The following SCAPER variants were observed in gnomAD, a reference collection of about 807,000 sequenced individuals.
SCAPER encodes S phase cyclin A-associated protein in the endoplasmic reticulum.
SCAPER carries 98 observed loss-of-function variants against 182.2 expected under a neutral mutation model. That is an observed-to-expected ratio of 0.54 (90% CI 0.46 to 0.64). The LOEUF is 0.64. Among genes scored for constraint, SCAPER ranks in the 30% least tolerant of loss-of-function variants. The pLI is 0.00. For synonymous variants in SCAPER, 605 were observed against 564.6 expected, an observed-to-expected ratio of 1.07 and a Z score of -1.01; for missense variants, 1,432 against 1,690.0, an observed-to-expected ratio of 0.85 and a Z score of 2.68.
chr15:76,687,484 C>T (rs1367672927), intron 20 of SCAPER, among the ~76,000 whole-genome samples: 4 of 152,174 alleles, frequency 2.6e-5, no homozygotes, highest in African/African-American at 9.7e-5. Flanking sequence ...GGTACATATG[C>T]AGAACATGCA....
rs556875712 is a variant in SCAPER at position 76,704,965 on chromosome 15, G to A, written c.2247+938C>T. 2.0e-3 allele frequency among the ~76,000 whole-genome samples: 297 copies of A among 152,184 alleles called. 2 individuals are homozygous for A. Among genetic ancestry groups the A allele is most frequent in the African/African-American group, 6.1e-3 (254 of 41,530 alleles). On this transcript the variant is annotated intron_variant, in intron 18 of 31. Coordinates refer to ENST00000563290, the MANE Select transcript of SCAPER (RefSeq NM_020843.4). ...TGTTGGTGGGACTGTAAACTAGTTTGACCATTGTGGAAGTCAGTGTGGCGA... is the reference window on the plus strand; with the variant it reads ...TGTTGGTGGGACTGTAAACTAGTTTAACCATTGTGGAAGTCAGTGTGGCGA...
intron 23 of SCAPER, among the ~76,000 whole-genome samples, chr15:76,518,601 C>T (rs2042617994): frequency 6.6e-6 from 1 of 152,150 alleles, no homozygotes; most frequent in Non-Finnish European, 1.5e-5. Flanking sequence ...AGAGACCCTC[C>T]TGTTCTCTAG....
At chr15:76,553,135 C>G (rs2045916212) in intron 23 of SCAPER, among the ~76,000 whole-genome samples, 1 of 152,224 alleles carries the variant, frequency 6.6e-6, no homozygotes, top group Admixed American at 6.5e-5. Flanking sequence ...TGGGTGGACC[C>G]TGTCTCCCTT....
chr15:76,802,632 C>A (rs1451229669), intron 6 of SCAPER, among the ~76,000 whole-genome samples: 2 of 152,190 alleles, frequency 1.3e-5, no homozygotes, highest in African/African-American at 4.8e-5. Flanking sequence ...GAATCCAGCC[C>A]TTCTGGATTT....
intron 24 of SCAPER, among the ~76,000 whole-genome samples, chr15:76,473,432 C>T (rs988320188): frequency 1.3e-5 from 2 of 152,200 alleles, no homozygotes; most frequent in Admixed American, 1.3e-4. Flanking sequence ...TCAATGGGCA[C>T]GACAGATTCC....
At chr15:76,703,083 A>C in intron 18 of SCAPER, 81 bp from the exon 19 acceptor site, 1 of 1,406,060 alleles carries the variant, frequency 7.1e-7, no homozygotes, top group Non-Finnish European at 9.5e-7. Flanking sequence ...ATTTCCATTA[A>C]AACTTCAAAA....
intron 6 of SCAPER, among the ~76,000 whole-genome samples, 171 bp downstream of exon 6, chr15:76,804,362 C>CT (rs2065991323): frequency 6.6e-6 from 1 of 152,192 alleles, no homozygotes; most frequent in Admixed American, 6.5e-5. Flanking sequence ...TTAATACCCA[C>CT]TGATAATTAC....
chr15:76,858,329 T>C (rs1372321702), intron 3 of SCAPER, among the ~76,000 whole-genome samples: 1 of 152,242 alleles, frequency 6.6e-6, no homozygotes, highest in East Asian at 1.9e-4. Flanking sequence ...ATATATGAAA[T>C]GCACAATTTC....
At chr15:76,554,196 T>A (rs1033197388) in intron 23 of SCAPER, among the ~76,000 whole-genome samples, 4 of 152,180 alleles carry the variant, frequency 2.6e-5, no homozygotes, top group Non-Finnish European at 5.9e-5. Flanking sequence ...AATCGCCAAG[T>A]ATTAACAGCA....
At chr15:76,870,970 A>G (rs1420102423) in intron 2 of SCAPER, among the ~76,000 whole-genome samples, 1 of 152,212 alleles carries the variant, frequency 6.6e-6, no homozygotes, top group Non-Finnish European at 1.5e-5. Context: ...AAACCTTAGA[A>G]GTAGTTACAA....
intron 24 of SCAPER, among the ~76,000 whole-genome samples, chr15:76,485,999 A>G (rs991885844): frequency 1.3e-5 from 2 of 152,180 alleles, no homozygotes; most frequent in African/African-American, 4.8e-5. Flanking sequence ...CGAAGTCAGG[A>G]GAGCAAGACC....
intron 6 of SCAPER, among the ~76,000 whole-genome samples, chr15:76,804,137 T>C (rs1204666098): frequency 6.6e-6 from 1 of 152,214 alleles, no homozygotes; most frequent in South Asian, 2.1e-4. Context: ...AACCAGCTGG[T>C]AAAATCCATC....
chr15:76,366,563 G>T (rs940442841), intron 29 of SCAPER, among the ~76,000 whole-genome samples: 5 of 152,080 alleles, frequency 3.3e-5, no homozygotes, highest in Admixed American at 2.0e-4. Context: ...AGTATAGTAG[G>T]ATAAGGTTCC....
At chr15:76,366,563 G>A (rs940442841) in intron 29 of SCAPER, among the ~76,000 whole-genome samples, 1 of 152,080 alleles carries the variant, frequency 6.6e-6, no homozygotes, top group Non-Finnish European at 1.5e-5. Context: ...AGTATAGTAG[G>A]ATAAGGTTCC....
intron 5 of SCAPER, among the ~76,000 whole-genome samples, chr15:76,821,535 G>T (rs964251884): frequency 6.6e-6 from 1 of 151,816 alleles, no homozygotes; most frequent in Non-Finnish European, 1.5e-5. Flanking sequence ...GGTTGGGGGG[G>T]ATCACTTGAG....
chr15:76,455,758 T>C (rs1301569276), intron 25 of SCAPER, among the ~76,000 whole-genome samples: 1 of 152,330 alleles, frequency 6.6e-6, no homozygotes, highest in African/African-American at 2.4e-5. Flanking sequence ...GCTGCACCTA[T>C]CAACCTGTCA....
At chr15:76,849,410 C>T (rs2070478029) in intron 4 of SCAPER, among the ~76,000 whole-genome samples, 1 of 152,174 alleles carries the variant, frequency 6.6e-6, no homozygotes, top group Non-Finnish European at 1.5e-5. Flanking sequence ...CCATGGGTCC[C>T]GCCCACCTCC....
chr15:76,623,467 T>C (rs948235902), intron 21 of SCAPER, among the ~76,000 whole-genome samples: 1 of 152,236 alleles, frequency 6.6e-6, no homozygotes, highest in African/African-American at 2.4e-5. Context: ...TGCATATGGC[T>C]AGCCAGTTAT....
intron 25 of SCAPER, among the ~76,000 whole-genome samples, chr15:76,436,887 T>C (rs911514400): frequency 2.0e-5 from 3 of 152,248 alleles, no homozygotes; most frequent in Non-Finnish European, 4.4e-5. Flanking sequence ...TTTATAAGTC[T>C]ATTGTCCTGG....
Sources: allele counts gnomAD v4.1 joint callset (sites outside exome capture counted in the v4.1 genomes callset), GRCh38; gene constraint gnomAD v4.1.1; transcripts MANE v1.5; gene names NCBI Gene and HGNC (gene_info 2026-07-23, HGNC 2026-07-21).